DLC1: variants seen among roughly 807,000 people sequenced by gnomAD.
DLC1 encodes the protein DLC1 Rho GTPase activating protein.
Under a neutral mutation model 140.3 loss-of-function variants are expected in DLC1, and 54 were observed. The observed-to-expected ratio is 0.38, with a 90% CI of 0.31 to 0.48. DLC1 has a LOEUF of 0.48. DLC1 is among the 20% of genes least tolerant of loss of function. The probability of loss-of-function intolerance (pLI) is 0.96; values close to 1 mark genes in which losing one functional copy is unlikely to be tolerated. For synonymous variants in DLC1, 986 were observed against 728.1 expected (o/e 1.35, Z -5.70); for missense variants, 2,536 against 1,907.0 (o/e 1.33, Z -6.14).
Position 13,375,577 on chromosome 8 carries a change from G to T in DLC1, c.1314+17976C>A, listed in dbSNP as rs371297559. Among the ~76,000 whole-genome samples, 154 of 152,204 alleles carry T rather than the reference G, an allele frequency of 1.0e-3. 1 individual carries two copies. The highest frequency in any genetic ancestry group is 3.4e-3 in the Middle Eastern group (1 of 294). On this transcript the variant is annotated intron_variant, in intron 4 of 17. Transcript: ENST00000276297. ...AGGAGTGGTGAGAGAGGTCATCCCT[G>T]TCTTGTGCCATTTTTCAAAGGGAAT... is the stretch of plus-strand genomic sequence containing the variant.
intron 4 of DLC1, among the ~76,000 whole-genome samples, chr8:13,370,888 C>G (rs547248209): frequency 1.9e-4 from 29 of 152,268 alleles, no homozygotes; most frequent in Non-Finnish European, 3.7e-4. Context: ...CTTCCCTACT[C>G]CCCACCACAA....
chr8:13,592,262 A>C (rs1805538966), intron 1 of DLC1, among the ~76,000 whole-genome samples: 1 of 152,190 alleles, frequency 6.6e-6, no homozygotes, highest in East Asian at 1.9e-4. Flanking sequence ...TACATTTTCT[A>C]GTGAGATATT....
At chr8:13,180,000 A>G (rs1825950537) in intron 5 of DLC1, among the ~76,000 whole-genome samples, 1 of 152,146 alleles carries the variant, frequency 6.6e-6, no homozygotes. Flanking sequence ...ACGTGAACAC[A>G]TCATTGGCTT....
intron 5 of DLC1, among the ~76,000 whole-genome samples, chr8:13,168,833 G>T (rs1229926243): frequency 6.6e-6 from 1 of 152,134 alleles, no homozygotes; most frequent in African/African-American, 2.4e-5. Context: ...TTCCTAAAAC[G>T]GTCAAAATTC....
At chr8:13,109,323 C>T (rs1018166978) in intron 7 of DLC1, among the ~76,000 whole-genome samples, 3 of 151,870 alleles carry the variant, frequency 2.0e-5, no homozygotes, top group East Asian at 3.9e-4. Context: ...TTTGGGAGGC[C>T]GAGATGGATG....
chr8:13,546,234 C>T (rs1160298709), intron 1 of DLC1, among the ~76,000 whole-genome samples: 5 of 152,092 alleles, frequency 3.3e-5, no homozygotes, highest in Admixed American at 2.0e-4. Context: ...TCTAAATACT[C>T]ATGGAATTTT....
intron 4 of DLC1, among the ~76,000 whole-genome samples, chr8:13,356,770 C>T (rs914705520): frequency 3.9e-5 from 6 of 152,168 alleles, no homozygotes; most frequent in Admixed American, 6.5e-5. Flanking sequence ...ACATCAATAA[C>T]AGGAATTGGG....
intron 1 of DLC1, chr8:13,558,317 A>G (rs551399772): frequency 6.6e-6 from 1 of 152,288 alleles, no homozygotes; most frequent in Non-Finnish European, 1.5e-5. Flanking sequence ...TGGAGAAGGG[A>G]TTGAAGAGAA....
At chr8:13,121,184 G>A (rs1158935336) in intron 5 of DLC1, among the ~76,000 whole-genome samples, 3 of 152,128 alleles carry the variant, frequency 2.0e-5, no homozygotes. Flanking sequence ...ATAGACATAT[G>A]GGCAAAGATT....
At chr8:13,316,705 G>C (rs954048198) in intron 4 of DLC1, among the ~76,000 whole-genome samples, 1 of 152,072 alleles carries the variant, frequency 6.6e-6, no homozygotes, top group African/African-American at 2.4e-5. Flanking sequence ...TCTTAGGGCA[G>C]CTGAGTTTGC....
intron 5 of DLC1, among the ~76,000 whole-genome samples, chr8:13,213,669 T>G (rs762627065): frequency 6.6e-6 from 1 of 152,210 alleles, no homozygotes; most frequent in Non-Finnish European, 1.5e-5. Context: ...TCATCTTTTA[T>G]GTATCTTAGC....
chr8:13,452,209 A>C (rs1363027307), intron 2 of DLC1, among the ~76,000 whole-genome samples: 1 of 151,100 alleles, frequency 6.6e-6, no homozygotes, highest in Non-Finnish European at 1.5e-5. Context: ...TTATAATTAT[A>C]TATATCTTTA....
intron 5 of DLC1, among the ~76,000 whole-genome samples, chr8:13,180,576 A>G (rs918790828): frequency 7.9e-5 from 12 of 152,170 alleles, no homozygotes; most frequent in African/African-American, 2.9e-4. Context: ...AATAACTTTC[A>G]CCGAGAAGCA....
chr8:13,099,587 T>A lies in DLC1; in HGVS notation c.2750A>T (p.Gln917Leu), dbSNP rs1054905522. 3 of 1,614,054 alleles carry A rather than the reference T, an allele frequency of 1.9e-6. No individual in the cohort carries two copies. The highest frequency in any genetic ancestry group is 2.7e-5 in the African/African-American group (2 of 74,922). Residue 917 changes from glutamine (Q) to leucine (L), a missense_variant, in exon 9 of 18, where the codon CAG (glutamine) becomes CTG (leucine). Gln to Leu is a moderately radical substitution (Grantham distance 113). Transcript: ENST00000276297. ...CTCCGACCACTGATTGACTATCCGC[T>A]GCATCCCCTTCACGTGGTAGAGGAT... ...DDILYHVKGM[Q>L]RIVNQWSEKF...
chr8:13,277,160 A>C (rs1831205095), intron 5 of DLC1, among the ~76,000 whole-genome samples: 1 of 152,058 alleles, frequency 6.6e-6, no homozygotes, highest in Non-Finnish European at 1.5e-5. Flanking sequence ...CCCCTACAAG[A>C]AATTAGGCGG....
At chr8:13,388,258 G>T (rs1264109039) in intron 4 of DLC1, among the ~76,000 whole-genome samples, 1 of 151,842 alleles carries the variant, frequency 6.6e-6, no homozygotes. Context: ...TTTAAGTAGT[G>T]CTACCATTAC....
rs76685026 is a variant in DLC1 at position 13,313,366 on chromosome 8, G to A, written c.1315-8064C>T. ...AGAAGTAATCTAATTGTGAATCCAC[G>A]CTGAAGACTGAAACAAAAAATTAGA... On this transcript the variant is annotated intron_variant, in intron 4 of 17. Transcript: ENST00000276297. 5.1e-3 allele frequency among the ~76,000 whole-genome samples: 781 copies of A among 152,294 alleles called. 10 individuals carry two copies. The highest frequency in any genetic ancestry group is 0.018 in the African/African-American group (746 of 41,568).
chr8:13,142,188 G>A (rs1206580496), intron 5 of DLC1, among the ~76,000 whole-genome samples: 3 of 152,184 alleles, frequency 2.0e-5, no homozygotes, highest in Non-Finnish European at 4.4e-5. Flanking sequence ...CAGCGGTGGC[G>A]AACTGTGAGT....
intron 5 of DLC1, among the ~76,000 whole-genome samples, chr8:13,162,593 G>A (rs1213165169): frequency 2.0e-5 from 3 of 152,116 alleles, no homozygotes; most frequent in African/African-American, 7.2e-5. Context: ...AAAGTGCTAG[G>A]ATTACAGGCG....
Sources: allele counts gnomAD v4.1 joint callset (sites outside exome capture counted in the v4.1 genomes callset), GRCh38; gene constraint gnomAD v4.1.1; transcripts MANE v1.5; gene names NCBI Gene and HGNC (gene_info 2026-07-23, HGNC 2026-07-21).